KCNN2: variants seen among roughly 807,000 people sequenced by gnomAD.
The protein encoded by KCNN2 is potassium calcium-activated channel subfamily N member 2, also known as small conductance calcium-activated potassium channel protein 2.
A neutral mutation model predicts 55.5 loss-of-function variants in KCNN2; 24 were observed. The ratio of observed to expected loss-of-function variants is 0.43; its 90% CI spans 0.31 to 0.61. The LOEUF is 0.61. KCNN2 is among the 20% of genes least tolerant of loss of function. The pLI, the probability that KCNN2 is intolerant of heterozygous loss-of-function variation, is 0.08. For synonymous variants in KCNN2, 431 were observed against 336.1 expected (o/e 1.28, Z -3.09); for missense variants, 754 against 853.6 (o/e 0.88, Z 1.45).
intron 3 of KCNN2, among the ~76,000 whole-genome samples, chr5:114,448,104 A>C (rs1020346730): frequency 6.6e-6 from 1 of 152,192 alleles, no homozygotes; most frequent in Non-Finnish European, 1.5e-5. Flanking sequence ...ATTTTTCTCC[A>C]ACCATTATAT....
chr5:114,489,079 A>T (rs917866850), intron 6 of KCNN2: 1 of 152,140 alleles, frequency 6.6e-6, no homozygotes, highest in Non-Finnish European at 1.5e-5. Context: ...CAATTTTCAT[A>T]TAATAACAAA....
chr5:114,177,488 T>A (rs1309489338), intron 1 of KCNN2, among the ~76,000 whole-genome samples: 1 of 151,902 alleles, frequency 6.6e-6, no homozygotes, highest in African/African-American at 2.4e-5. Context: ...TTATATGTAT[T>A]CTATATATCC....
chr5:114,129,711 A>G (rs930719938), intron 1 of KCNN2, among the ~76,000 whole-genome samples: 18 of 152,208 alleles, frequency 1.2e-4, no homozygotes, highest in African/African-American at 4.1e-4. Context: ...GTGGTCCTCT[A>G]TTGTGTGGCA....
intron 2 of KCNN2, among the ~76,000 whole-genome samples, chr5:114,256,000 T>C (rs1580666025): frequency 6.6e-6 from 1 of 152,214 alleles, no homozygotes; most frequent in Middle Eastern, 3.4e-3. Context: ...ATCCCCCTCC[T>C]ACTCTCTCAC....
At chr5:114,464,985 A>G (rs1339194462) in intron 4 of KCNN2, among the ~76,000 whole-genome samples, 1 of 152,156 alleles carries the variant, frequency 6.6e-6, no homozygotes, top group Non-Finnish European at 1.5e-5. Context: ...GATGCTATTT[A>G]TAAAAACTAG....
chr5:114,064,921 G>A (rs1163033607), intron 1 of KCNN2, among the ~76,000 whole-genome samples: 1 of 152,128 alleles, frequency 6.6e-6, no homozygotes, highest in African/African-American at 2.4e-5. Context: ...CCAGAGATCA[G>A]AGCCCAAGGC....
At chr5:114,259,843 C>T (rs1755067748) in intron 2 of KCNN2, among the ~76,000 whole-genome samples, 1 of 152,142 alleles carries the variant, frequency 6.6e-6, no homozygotes, top group Non-Finnish European at 1.5e-5. Context: ...TCACTAGGTT[C>T]CAGCACTCAC....
intron 4 of KCNN2, among the ~76,000 whole-genome samples, chr5:114,465,174 A>ATGTT (rs1761383672): frequency 6.6e-6 from 1 of 152,184 alleles, no homozygotes; most frequent in Admixed American, 6.5e-5. Flanking sequence ...GTTTTACAAA[A>ATGTT]TGTTTATCGT....
At chr5:114,358,879 T>G (rs1252052420), upstream of KCNN2, among the ~76,000 whole-genome samples, 3 of 152,256 alleles carry the variant, frequency 2.0e-5, no homozygotes, top group African/African-American at 7.2e-5. Context: ...TAAAATTTGT[T>G]GACTTTATTA....
At chr5:114,494,434 C>A (rs1748013297) in intron 7 of KCNN2, among the ~76,000 whole-genome samples, 1 of 148,724 alleles carries the variant, frequency 6.7e-6, no homozygotes, top group Admixed American at 6.8e-5. Flanking sequence ...AATGACTTAC[C>A]CTAGGAGAGC....
chr5:114,116,748 C>T (rs1486900726), intron 1 of KCNN2, among the ~76,000 whole-genome samples: 1 of 152,146 alleles, frequency 6.6e-6, no homozygotes, highest in African/African-American at 2.4e-5. Flanking sequence ...ACTTGGCCAT[C>T]ATCCATTTTT....
chr5:114,084,662 A>G (rs1430560020), intron 1 of KCNN2, among the ~76,000 whole-genome samples: 1 of 152,012 alleles, frequency 6.6e-6, no homozygotes, highest in Non-Finnish European at 1.5e-5. Context: ...GATAATTTTA[A>G]TTTTAATGAA....
chr5:114,370,861 T>C (rs1373777133), intron 2 of KCNN2, among the ~76,000 whole-genome samples: 1 of 151,160 alleles, frequency 6.6e-6, no homozygotes, highest in Non-Finnish European at 1.5e-5. Flanking sequence ...CAGTAAAGAG[T>C]TTAAAGCAGG....
rs1296512950 is a variant in KCNN2, at chr5:114,149,466, CA to C, written c.-270-72013del. Among the ~76,000 whole-genome samples, 9 of 152,218 alleles carry C rather than the reference CA, an allele frequency of 5.9e-5. No individual in the cohort carries two copies. In the East Asian group the frequency reaches 1.7e-3, roughly 29 times the overall value. On this transcript the variant is annotated intron_variant, in intron 1 of 10. Coordinates refer to the KCNN2 transcript ENST00000512097. ...CACACAAGATAGTGAAAGCTGGGTCCAGGGGGGTCACTGCCTTCTGGTCCCG... is the reference window on the plus strand; with the variant it reads ...CACACAAGATAGTGAAAGCTGGGTCCGGGGGGTCACTGCCTTCTGGTCCCG...
At chr5:114,275,084 G>C (rs1335013570) in intron 2 of KCNN2, among the ~76,000 whole-genome samples, 1 of 152,156 alleles carries the variant, frequency 6.6e-6, no homozygotes, top group South Asian at 2.1e-4. Flanking sequence ...TCCATCTATT[G>C]AGATAATTAT....
At chr5:114,331,682 C>T in intron 2 of KCNN2, among the ~76,000 whole-genome samples, 1 of 152,218 alleles carries the variant, frequency 6.6e-6, no homozygotes, top group East Asian at 1.9e-4. Context: ...TCTTCATTAA[C>T]AAGTGACCAA....
At chr5:114,483,520 C>T (rs548696105) in intron 5 of KCNN2, among the ~76,000 whole-genome samples, 1 of 152,228 alleles carries the variant, frequency 6.6e-6, no homozygotes, top group South Asian at 2.1e-4. Context: ...AAGTGAGCCA[C>T]TCATCTCGGC....
chr5:114,068,971 C>T lies in KCNN2; in HGVS notation c.-271+12471C>T, dbSNP rs184300841. Among the ~76,000 whole-genome samples the T allele has an allele frequency of 1.4e-3, 213 of 152,208 alleles. 1 individual carries two copies. The highest frequency in any genetic ancestry group is 4.6e-3 in the African/African-American group (191 of 41,528). On this transcript the variant is annotated intron_variant, in intron 1 of 10. Coordinates refer to the KCNN2 transcript ENST00000512097. ...TGGGATTACAAGTGCCTGCCAACCACGCCTGGCTAATTTTTGTATTTTTAG... is the reference window on the plus strand; with the variant it reads ...TGGGATTACAAGTGCCTGCCAACCATGCCTGGCTAATTTTTGTATTTTTAG...
chr5:114,181,424 C>T (rs1362217106), intron 1 of KCNN2, among the ~76,000 whole-genome samples: 2 of 152,118 alleles, frequency 1.3e-5, no homozygotes, highest in Admixed American at 6.5e-5. Flanking sequence ...TTTTCAAATA[C>T]TTTGCTGTTA....
Sources: allele counts gnomAD v4.1 joint callset (sites outside exome capture counted in the v4.1 genomes callset), GRCh38; gene constraint gnomAD v4.1.1; transcripts MANE v1.5; gene names NCBI Gene and HGNC (gene_info 2026-07-23, HGNC 2026-07-21).